The following PCDH15 variants were observed in gnomAD, a reference collection of about 807,000 sequenced individuals.
PCDH15 encodes protocadherin-15.
PCDH15 carries 129 observed loss-of-function variants against 178.5 expected under a neutral mutation model. That is an observed-to-expected ratio of 0.72 (90% CI 0.63 to 0.84). The LOEUF (loss-of-function observed/expected upper bound fraction) is 0.84. Ranked by LOEUF, PCDH15 falls within the 40% of genes least tolerant of loss-of-function variation. The pLI is 0.00. For synonymous variants in PCDH15, 800 were observed against 732.0 expected, an observed-to-expected ratio of 1.09 and a Z score of -1.50; for missense variants, 2,230 against 2,099.9, an observed-to-expected ratio of 1.06 and a Z score of -1.21.
chr10:54,740,211 A>T (rs1039514383), intron 1 of PCDH15, among the ~76,000 whole-genome samples: 1 of 152,056 alleles, frequency 6.6e-6, no homozygotes, highest in African/African-American at 2.4e-5. Flanking sequence ...ATCAAATTTT[A>T]AAATGGGCAA....
chr10:54,313,776 C>A (rs1032817133), intron 8 of PCDH15, among the ~76,000 whole-genome samples: 1 of 152,068 alleles, frequency 6.6e-6, no homozygotes, highest in Non-Finnish European at 1.5e-5. Flanking sequence ...GTTATTACCC[C>A]AAATTGAAAG....
chr10:54,969,356 G>T (rs115868318), intron 2 of PCDH15, among the ~76,000 whole-genome samples: 1 of 152,080 alleles, frequency 6.6e-6, no homozygotes, highest in Non-Finnish European at 1.5e-5. Flanking sequence ...GTCAGACTCC[G>T]TCTGAATACT....
At chr10:54,697,515 G>GTGTATATATA (rs1555156234) in intron 1 of PCDH15, among the ~76,000 whole-genome samples, 6 of 143,056 alleles carry the variant, frequency 4.2e-5, no homozygotes, top group African/African-American at 1.6e-4. Flanking sequence ...TGAAATGTGT[G>GTGTATATATA]TATATATATA....
At chr10:53,890,311 C>T (rs1458829623) in intron 26 of PCDH15, among the ~76,000 whole-genome samples, 1 of 152,096 alleles carries the variant, frequency 6.6e-6, no homozygotes, top group Non-Finnish European at 1.5e-5. Flanking sequence ...CCTGTAGTCC[C>T]AGCTACTCGG....
chr10:55,183,788 C>T (rs1822760), intron 1 of PCDH15, among the ~76,000 whole-genome samples: 34,627 of 151,544 alleles, frequency 0.23, 4,127 homozygotes, highest in East Asian at 0.3. Context: ...GATGACCACA[C>T]GTTTTGTTTG....
At chr10:54,337,259 G>A (rs1941362163) in intron 6 of PCDH15, among the ~76,000 whole-genome samples, 1 of 152,048 alleles carries the variant, frequency 6.6e-6, no homozygotes, top group Admixed American at 6.5e-5. Context: ...AGTTAATGAT[G>A]AAATGAGTTA....
chr10:54,294,012 T>C (rs999405565), intron 8 of PCDH15, among the ~76,000 whole-genome samples: 1 of 152,174 alleles, frequency 6.6e-6, no homozygotes, highest in Non-Finnish European at 1.5e-5. Context: ...TAAAGACACA[T>C]GCACACGTAT....
intron 1 of PCDH15, among the ~76,000 whole-genome samples, chr10:54,780,351 A>T (rs1000164821): frequency 6.6e-6 from 1 of 152,200 alleles, no homozygotes; most frequent in Non-Finnish European, 1.5e-5. Context: ...TCTTTGGGAC[A>T]TGGTGAGAGA....
intron 13 of PCDH15, among the ~76,000 whole-genome samples, chr10:54,170,999 C>T (rs2046845133): frequency 6.6e-6 from 1 of 152,074 alleles, no homozygotes; most frequent in South Asian, 2.1e-4. Flanking sequence ...TCAACATGCC[C>T]TGAGTCAGAT....
intron 3 of PCDH15, among the ~76,000 whole-genome samples, chr10:54,875,027 T>C (rs1173246947): frequency 6.6e-6 from 1 of 152,180 alleles, no homozygotes; most frequent in Non-Finnish European, 1.5e-5. Flanking sequence ...CATTTTATTG[T>C]GGTTCACAGA....
chr10:55,475,241 C>T (rs1158834115), intron 2 of PCDH15, among the ~76,000 whole-genome samples: 1 of 152,072 alleles, frequency 6.6e-6, no homozygotes. Context: ...CAAACACCTC[C>T]CTTTATGCCC....
At chr10:54,664,501 CTTTTCTGTTATTTAA>C (rs1183308534) in intron 1 of PCDH15, among the ~76,000 whole-genome samples, 2 of 151,980 alleles carry the variant, frequency 1.3e-5, no homozygotes, top group African/African-American at 4.8e-5. Flanking sequence ...GGAAAGACAT[CTTTTCTGTTATTTAA>C]TTTGCCAGCA....
chr10:54,281,850 A>C (rs956971217), intron 8 of PCDH15, among the ~76,000 whole-genome samples: 6 of 152,088 alleles, frequency 3.9e-5, no homozygotes, highest in African/African-American at 1.2e-4. Flanking sequence ...GTACATAACT[A>C]TCAGGCTGTT....
At chr10:53,832,789 CAG>C (rs2077086962) in intron 29 of PCDH15, among the ~76,000 whole-genome samples, 1 of 151,910 alleles carries the variant, frequency 6.6e-6, no homozygotes, top group South Asian at 2.1e-4. Flanking sequence ...TTTTAATATT[CAG>C]AGTGACCATG....
At chr10:54,123,918 C>T (rs1249126370) in intron 15 of PCDH15, among the ~76,000 whole-genome samples, 1 of 152,146 alleles carries the variant, frequency 6.6e-6, no homozygotes, top group African/African-American at 2.4e-5. Flanking sequence ...ACAAATATTA[C>T]ATATTCTCAC....
chr10:54,624,273 CA>C (rs1295593913), intron 2 of PCDH15, among the ~76,000 whole-genome samples: 1 of 151,784 alleles, frequency 6.6e-6, no homozygotes, highest in Non-Finnish European at 1.5e-5. Context: ...AGTGCAGGAA[CA>C]AAAAAGAAAA....
chr10:54,703,920 GGACAGAATA>G (rs1262604576), intron 1 of PCDH15, among the ~76,000 whole-genome samples: 3 of 151,952 alleles, frequency 2.0e-5, no homozygotes, highest in Non-Finnish European at 4.4e-5. Context: ...TAGACCAATG[GGACAGAATA>G]GACAACCCAG....
chr10:54,565,453 C>T (rs1250799997), intron 2 of PCDH15, among the ~76,000 whole-genome samples: 4 of 152,094 alleles, frequency 2.6e-5, no homozygotes, highest in Non-Finnish European at 5.9e-5. Context: ...GCAATTATAG[C>T]CAGTCTGTTT....
At chr10:54,630,907 C>T (rs1367347675) in intron 2 of PCDH15, among the ~76,000 whole-genome samples, 2 of 152,128 alleles carry the variant, frequency 1.3e-5, no homozygotes, top group African/African-American at 4.8e-5. Flanking sequence ...ATGACAAACC[C>T]TCTACATCAC....
Sources: gnomAD v4.1 joint callset for allele counts (sites outside exome capture counted in the v4.1 genomes callset) on GRCh38, gnomAD v4.1.1 for gene constraint, MANE v1.5 for transcripts, NCBI Gene and HGNC (gene_info 2026-07-23, HGNC 2026-07-21) for gene names.